The following WAPL variants were observed in gnomAD, a reference collection of about 807,000 sequenced individuals.
WAPL encodes the protein WAPL cohesin release factor.
WAPL carries 5 observed loss-of-function variants against 121.0 expected under a neutral mutation model. The ratio of observed to expected loss-of-function variants is 0.04; its 90% CI spans 0.02 to 0.09. The LOEUF is 0.09. Ranked by LOEUF, WAPL falls within the 10% of genes least tolerant of loss-of-function variation. WAPL has a pLI of 1.00. For synonymous variants in WAPL, 480 were observed against 481.5 expected (o/e 1.00, Z 0.04); for missense variants, 999 against 1,410.8 (o/e 0.71, Z 4.68).
chr10:86,444,589 C>T (rs12246195), intron 16 of WAPL, among the ~76,000 whole-genome samples: 1 of 152,090 alleles, frequency 6.6e-6, no homozygotes. Flanking sequence ...TATTGTATGA[C>T]TCCTTTTTAA....
chr10:86,490,290 T>C (rs1842018539), intron 4 of WAPL, among the ~76,000 whole-genome samples: 1 of 152,282 alleles, frequency 6.6e-6, no homozygotes, highest in East Asian at 1.9e-4. Context: ...ATAGCTCTTT[T>C]TGTTTTATAA....
Position 86,437,224 on chromosome 10 carries a change from C to T in WAPL, c.*319G>A. On this transcript the variant is annotated 3_prime_UTR_variant, in exon 19 of 19. Coordinates refer to ENST00000298767, the MANE Select transcript of WAPL (RefSeq NM_015045.5). Reference sequence around the variant, plus strand: ...TAACAGCAGCACAAATTTTCCCCTTCAAACTTGCCCAGAATAAAGCAAGAA... The same window carrying T: ...TAACAGCAGCACAAATTTTCCCCTTTAAACTTGCCCAGAATAAAGCAAGAA... The T allele has an allele frequency of 4.2e-6, 1 of 236,848 alleles. No homozygotes were observed. Among genetic ancestry groups the T allele is most frequent in the South Asian group, 8.0e-5 (1 of 12,508 alleles). 14.7% of individuals were successfully genotyped at this position (236,848 alleles called of 1,614,324 possible). A position where few individuals can be genotyped will look rare whatever the true frequency, so the allele number is the denominator to read the frequency against.
intron 2 of WAPL, among the ~76,000 whole-genome samples, chr10:86,506,661 G>A (rs562547333): frequency 1.5e-4 from 23 of 152,232 alleles, no homozygotes; most frequent in Admixed American, 3.3e-4. Flanking sequence ...GTGGTGGCAC[G>A]TTCCTATAGT....
intron 2 of WAPL, among the ~76,000 whole-genome samples, chr10:86,507,885 A>T (rs145488882): frequency 2.0e-4 from 30 of 152,150 alleles, no homozygotes; most frequent in Middle Eastern, 6.8e-3. Flanking sequence ...TCCACAGTCT[A>T]TCTTCTCAAT....
intron 4 of WAPL, among the ~76,000 whole-genome samples, chr10:86,486,314 G>A (rs1174112731): frequency 1.3e-5 from 2 of 152,190 alleles, no homozygotes; most frequent in East Asian, 1.9e-4. Flanking sequence ...TTGTTCTTGG[G>A]TGAGATGTGG....
At chr10:86,509,613 T>C (rs12784670) in intron 2 of WAPL, among the ~76,000 whole-genome samples, 1 of 152,134 alleles carries the variant, frequency 6.6e-6, no homozygotes, top group South Asian at 2.1e-4. Flanking sequence ...ACTAAAATAA[T>C]AGCTGGAAGG....
intron 4 of WAPL, among the ~76,000 whole-genome samples, chr10:86,488,051 T>C (rs1027546350): frequency 7.9e-5 from 12 of 152,130 alleles, no homozygotes; most frequent in Admixed American, 2.6e-4. Flanking sequence ...TACATGACGA[T>C]TGTGAAAATA....
chr10:86,452,811 G>A (rs755708868), intron 14 of WAPL, among the ~76,000 whole-genome samples: 22 of 150,454 alleles, frequency 1.5e-4, no homozygotes, highest in Admixed American at 1.4e-3. Flanking sequence ...AGGCTGAGGC[G>A]GGCAGATCAC....
At position 86,446,417 on chromosome 10, in the gene WAPL, T is replaced by C. The variant is rs748680445; in HGVS notation, c.3147A>G (p.Leu1049=). Residue 1049 remains leucine (L), a synonymous_variant, in exon 16 of 19, where the codon CTA becomes CTG. Coordinates refer to ENST00000298767, the MANE Select transcript of WAPL (RefSeq NM_015045.5). ...LFLERERAAQ[L]AESKTDELIK... ...TCAACTCATCTGTTTTACTTTCTGC[T>C]AGCTGGGCTGCCCGCTCTCGCTCAA... The C allele has an allele frequency of 1.9e-6, 3 of 1,614,036 alleles. No homozygotes were observed. The highest frequency in any genetic ancestry group is 1.3e-5 in the African/African-American group (1 of 74,932).
rs537593521 is a variant in WAPL at position 86,521,394 on chromosome 10, G to C, written c.-52C>G. 3 of 287,042 alleles carry C rather than the reference G, an allele frequency of 1.0e-5. No homozygotes were observed. The highest frequency in any genetic ancestry group is 8.2e-5 in the South Asian group (3 of 36,536). 17.8% of individuals were successfully genotyped at this position (287,042 alleles called of 1,614,324 possible). A position where few individuals can be genotyped will look rare whatever the true frequency, so the allele number is the denominator to read the frequency against. ...GGAGCCTGGCGGGTGCTTTGGCCACGGGCCGCCTCCGCCTCTCCCGCTCCC... is the reference window on the plus strand; with the variant it reads ...GGAGCCTGGCGGGTGCTTTGGCCACCGGCCGCCTCCGCCTCTCCCGCTCCC... On this transcript the variant is annotated 5_prime_UTR_variant, in exon 1 of 19. Transcript: ENST00000298767.
intron 4 of WAPL, among the ~76,000 whole-genome samples, chr10:86,486,117 G>A (rs534033563): frequency 6.6e-6 from 1 of 152,186 alleles, no homozygotes; most frequent in Admixed American, 6.6e-5. Context: ...TAATATATCA[G>A]GTTTCTAGTA....
intron 2 of WAPL, among the ~76,000 whole-genome samples, chr10:86,506,813 G>A (rs1407922685): frequency 6.6e-6 from 1 of 151,842 alleles, no homozygotes; most frequent in Admixed American, 6.6e-5. Context: ...AAGGACACCT[G>A]GGGTTCATTC....
At chr10:86,496,616 C>G (rs1157790789) in intron 4 of WAPL, among the ~76,000 whole-genome samples, 1 of 151,972 alleles carries the variant, frequency 6.6e-6, no homozygotes, top group Non-Finnish European at 1.5e-5. Context: ...ATGTCTCACA[C>G]ACAATGGAAT....
At chr10:86,491,237 T>TCG (rs1228651131) in intron 4 of WAPL, among the ~76,000 whole-genome samples, 1 of 148,186 alleles carries the variant, frequency 6.7e-6, no homozygotes, top group Non-Finnish European at 1.5e-5. Flanking sequence ...CCTCCCGGGT[T>TCG]CGCGCCATTC....
chr10:86,479,762 A>G (rs1841739321), intron 4 of WAPL, among the ~76,000 whole-genome samples: 1 of 152,244 alleles, frequency 6.6e-6, no homozygotes, highest in South Asian at 2.1e-4. Flanking sequence ...ACTGCAATGC[A>G]TAACTATGTG....
At chr10:86,454,215 T>C (rs1186656249) in intron 12 of WAPL, among the ~76,000 whole-genome samples, 1 of 152,244 alleles carries the variant, frequency 6.6e-6, no homozygotes, top group Non-Finnish European at 1.5e-5. Context: ...AAATATTTCA[T>C]ACGCATTAGA....
chr10:86,455,129 C>T (rs1841108337), intron 12 of WAPL, among the ~76,000 whole-genome samples: 1 of 150,616 alleles, frequency 6.6e-6, no homozygotes, highest in African/African-American at 2.4e-5. Context: ...TCTGCCCGGC[C>T]ACCCCGTCTG....
intron 4 of WAPL, among the ~76,000 whole-genome samples, chr10:86,492,460 A>C (rs1323340775): frequency 1.3e-5 from 2 of 152,200 alleles, no homozygotes; most frequent in Non-Finnish European, 2.9e-5. Context: ...TGAGATATGT[A>C]CTTTTATTTT....
chr10:86,482,504 T>C (rs911714817), intron 4 of WAPL, among the ~76,000 whole-genome samples: 2 of 152,202 alleles, frequency 1.3e-5, no homozygotes, highest in African/African-American at 4.8e-5. Context: ...TCATAGTCTC[T>C]AATACCATTC....
Sources: allele counts gnomAD v4.1 joint callset (sites outside exome capture counted in the v4.1 genomes callset), GRCh38; gene constraint gnomAD v4.1.1; transcripts MANE v1.5; gene names NCBI Gene and HGNC (gene_info 2026-07-23, HGNC 2026-07-21).